Variants in CSMD1 observed in about 807,000 individuals in gnomAD.
The protein encoded by CSMD1 is CUB and Sushi multiple domains 1, also known as CUB and sushi domain-containing protein 1.
In CSMD1, 213 loss-of-function variants were observed where a neutral mutation model predicts 417.5. The ratio of observed to expected loss-of-function variants is 0.51; its 90% CI spans 0.46 to 0.57. The LOEUF (loss-of-function observed/expected upper bound fraction) is 0.57. CSMD1 is among the 20% of genes least tolerant of loss of function. The pLI is 0.00. For synonymous variants in CSMD1, 2,862 were observed against 1,736.8 expected (o/e 1.65, Z -16.11); for missense variants, 6,923 against 4,529.7 (o/e 1.53, Z -15.17).
In CSMD1 at chr8:4,395,082, C is replaced by T. The variant is rs562637834; in HGVS notation, c.415+24871G>A. Among the ~76,000 whole-genome samples the T allele has an allele frequency of 3.9e-5, 6 of 152,252 alleles. No homozygotes were observed. The South Asian group carries it at 6.2e-4, about 16-fold the overall frequency. On this transcript the variant is annotated intron_variant, in intron 3 of 69. Coordinates refer to ENST00000635120, the MANE Select transcript of CSMD1 (RefSeq NM_033225.6). ...ACAGCTCCAGGGTGTCCTGGCACCT[C>T]CTGCACCCACATGAACCTCCGCTGG...
intron 2 of CSMD1, among the ~76,000 whole-genome samples, chr8:4,516,876 G>C (rs979674036): frequency 4.6e-5 from 7 of 151,756 alleles, no homozygotes; most frequent in Non-Finnish European, 1.0e-4. Context: ...CTAGCTCTAG[G>C]GTGAATACAA....
At chr8:3,001,544 C>A (rs554743208) in intron 52 of CSMD1, among the ~76,000 whole-genome samples, 1 of 152,168 alleles carries the variant, frequency 6.6e-6, no homozygotes, top group Non-Finnish European at 1.5e-5. Flanking sequence ...TCATCTTTGT[C>A]ACTCTCCTAT....
chr8:4,101,856 C>A (rs145623252), intron 3 of CSMD1, among the ~76,000 whole-genome samples: 23 of 152,280 alleles, frequency 1.5e-4, no homozygotes, highest in African/African-American at 5.5e-4. Flanking sequence ...TCTGAAAATT[C>A]AAATTGCAAT....
At chr8:3,622,648 C>T (rs1341181516) in intron 7 of CSMD1, among the ~76,000 whole-genome samples, 1 of 152,108 alleles carries the variant, frequency 6.6e-6, no homozygotes, top group Non-Finnish European at 1.5e-5. Context: ...TAGAAGATAA[C>T]AAAAAGTGAT....
At chr8:3,922,444 ATATAT>A (rs1809343265) in intron 5 of CSMD1, among the ~76,000 whole-genome samples, 1 of 152,032 alleles carries the variant, frequency 6.6e-6, no homozygotes, top group Non-Finnish European at 1.5e-5. Flanking sequence ...TTCATCATTA[ATATAT>A]TCTGTTCTGT....
chr8:2,965,972 G>C lies in CSMD1; in HGVS notation c.9101-18C>G, dbSNP rs1259016832. 1.3e-6 allele frequency: 2 copies of C among 1,582,178 alleles called. No individual in the cohort carries two copies. The highest frequency in any genetic ancestry group is 2.7e-5 in the African/African-American group (2 of 74,360). ...ACTTATAACTAATAAACAGGGAACA[G>C]GAAAGAATCAGAGAAATTCATTTAC... On this transcript the variant is annotated intron_variant, in intron 58 of 69. Transcript: ENST00000635120.
chr8:3,253,832 T>C, intron 26 of CSMD1, among the ~76,000 whole-genome samples: 1 of 152,224 alleles, frequency 6.6e-6, no homozygotes, highest in Non-Finnish European at 1.5e-5. Context: ...TTATCCAATT[T>C]GCCAGTCTGT....
chr8:4,903,033 AAAT>A (rs749122897), intron 1 of CSMD1, among the ~76,000 whole-genome samples: 14,179 of 148,542 alleles, frequency 0.095, 916 homozygotes, highest in Non-Finnish European at 0.13. Context: ...ATAAATAAAT[AAAT>A]AATAAACTAA....
At chr8:4,496,550 T>C (rs1226861817) in intron 2 of CSMD1, among the ~76,000 whole-genome samples, 4 of 152,194 alleles carry the variant, frequency 2.6e-5, no homozygotes, top group African/African-American at 9.7e-5. Context: ...ACCTCTGTTT[T>C]GAACTTCGCC....
chr8:3,663,198 C>T lies in CSMD1; in HGVS notation c.1009+45216G>A, dbSNP rs745654224. 3.9e-5 allele frequency among the ~76,000 whole-genome samples: 6 copies of T among 152,136 alleles called. No individual in the cohort carries two copies. The South Asian group carries it at 6.3e-4, about 16-fold the overall frequency. On this transcript the variant is annotated intron_variant, in intron 7 of 69. Coordinates refer to ENST00000635120, the MANE Select transcript of CSMD1 (RefSeq NM_033225.6). The stretch of plus-strand genomic sequence containing the variant: ...ATTTTCATTTCCAGCACAGAGAAAG[C>T]GTGAACAACAAAGATATTTTTAAAC...
intron 3 of CSMD1, among the ~76,000 whole-genome samples, chr8:4,164,790 G>A (rs769073855): frequency 1.3e-5 from 2 of 151,852 alleles, no homozygotes; most frequent in Non-Finnish European, 2.9e-5. Flanking sequence ...GCAGGAGAAT[G>A]GCGTGAAATC....
chr8:4,343,436 T>C (rs1160019906), intron 3 of CSMD1, among the ~76,000 whole-genome samples: 1 of 152,120 alleles, frequency 6.6e-6, no homozygotes, highest in African/African-American at 2.4e-5. Flanking sequence ...TTAAAAATGG[T>C]CACTATGTGT....
intron 7 of CSMD1, among the ~76,000 whole-genome samples, chr8:3,676,004 G>T (rs898206002): frequency 3.9e-5 from 6 of 152,162 alleles, no homozygotes; most frequent in Admixed American, 2.6e-4. Context: ...ATAGTTTACT[G>T]GTTTGGCCTT....
intron 1 of CSMD1, among the ~76,000 whole-genome samples, chr8:4,800,757 G>T (rs752807598): frequency 5.3e-5 from 8 of 152,162 alleles, no homozygotes; most frequent in Non-Finnish European, 1.2e-4. Context: ...TTGGTGGGAT[G>T]GGCTTTTGGG....
chr8:4,182,319 T>C (rs1455255305), intron 3 of CSMD1, among the ~76,000 whole-genome samples: 1 of 152,142 alleles, frequency 6.6e-6, no homozygotes, highest in African/African-American at 2.4e-5. Flanking sequence ...TTGGTTTCAG[T>C]AAATTTATTC....
intron 68 of CSMD1, among the ~76,000 whole-genome samples, chr8:2,943,802 C>T (rs1400140804): frequency 1.3e-5 from 2 of 152,150 alleles, no homozygotes; most frequent in East Asian, 1.9e-4. Flanking sequence ...TCATGATTGG[C>T]GTCATCTCAA....
At chr8:4,947,476 C>G (rs887961938) in intron 1 of CSMD1, among the ~76,000 whole-genome samples, 1 of 152,042 alleles carries the variant, frequency 6.6e-6, no homozygotes, top group South Asian at 2.1e-4. Flanking sequence ...TCCAGATCAT[C>G]AACAATGAGA....
At position 3,481,042 on chromosome 8, in the gene CSMD1, G is replaced by C. The variant is rs543347441; in HGVS notation, c.1449-12218C>G. ...GTGGTGGCAGGCACCTGTAGTCCCA[G>C]CTACTAGGGAGGCTGAGGCAGGAGA... On this transcript the variant is annotated intron_variant, in intron 11 of 69. Coordinates refer to ENST00000635120, the MANE Select transcript of CSMD1 (RefSeq NM_033225.6). Among the ~76,000 whole-genome samples, 13 of 151,076 alleles carry C rather than the reference G, an allele frequency of 8.6e-5. No individual in the cohort carries two copies. In the South Asian group the frequency reaches 2.3e-3, roughly 27 times the overall value.
At chr8:4,405,559 G>C (rs998583494) in intron 3 of CSMD1, among the ~76,000 whole-genome samples, 2 of 152,060 alleles carry the variant, frequency 1.3e-5, no homozygotes, top group Admixed American at 1.3e-4. Context: ...CATCACCATG[G>C]ATTCAGAAAT....
Sources: allele counts gnomAD v4.1 joint callset (sites outside exome capture counted in the v4.1 genomes callset), GRCh38; gene constraint gnomAD v4.1.1; transcripts MANE v1.5; gene names NCBI Gene and HGNC (gene_info 2026-07-23, HGNC 2026-07-21).